The following ZSCAN16 variants were observed in gnomAD, a reference collection of about 807,000 sequenced individuals.
The protein encoded by ZSCAN16 is zinc finger and SCAN domain-containing protein 16.
Under a neutral mutation model 19.4 loss-of-function variants are expected in ZSCAN16, and 15 were observed. The observed-to-expected ratio is 0.77, with a 90% CI of 0.52 to 1.19. The LOEUF is 1.19. Among genes scored for constraint, ZSCAN16 ranks in the 50% most tolerant of loss-of-function variants. ZSCAN16 has a pLI of 0.00. For synonymous variants in ZSCAN16, 138 were observed against 146.5 expected (o/e 0.94, Z 0.42); for missense variants, 327 against 415.7 (o/e 0.79, Z 1.86).
chr6:28,126,684 C>T (rs1481550271), intron 2 of ZSCAN16, 99 bp from the exon 3 acceptor site: 2 of 948,802 alleles, frequency 2.1e-6, no homozygotes. Flanking sequence ...AGAATTTGTC[C>T]CCCCTTTCTA....
chr6:28,129,802 A>C lies in ZSCAN16; in HGVS notation c.899A>C (p.Asp300Ala). The change falls in exon 4 of 4, where the codon GAC becomes GCC. Residue 300 changes from aspartate (D) to alanine (A), a missense_variant. Transcript: ENST00000340487. The stretch of plus-strand genomic sequence containing the variant: ...TATAAATGTAAAGAATGTGGGAAAG[A>C]CTTCAGTGGGCGCACAGGTCTTATT... Reference protein sequence around the residue: ...KPYKCKECGKDFSGRTGLIQH... With the variant: ...KPYKCKECGKAFSGRTGLIQH... 1 of 1,614,148 alleles carries C rather than the reference A, an allele frequency of 6.2e-7. No individual in the cohort carries two copies. Among genetic ancestry groups the C allele is most frequent in the Non-Finnish European group, 8.5e-7 (1 of 1,180,026 alleles).
At position 28,125,429 on chromosome 6, in the gene ZSCAN16, C is replaced by G; in HGVS notation, c.-15C>G. The G allele has an allele frequency of 1.2e-6, 2 of 1,601,636 alleles. No individual in the cohort carries two copies. The highest frequency in any genetic ancestry group is 1.7e-6 in the Non-Finnish European group (2 of 1,174,376). Reference sequence around the variant, plus strand: ...CAATCCCAGATAGAGGATAAATCTCCTGGCAAAGCCCAGAATGACCACAGC... The same window carrying G: ...CAATCCCAGATAGAGGATAAATCTCGTGGCAAAGCCCAGAATGACCACAGC... On this transcript the variant is annotated 5_prime_UTR_variant, in exon 2 of 4. Transcript: ENST00000340487. The surrounding 1 kb of genome is among the most constrained non-coding windows in gnomAD (Gnocchi z 6.2).
At position 28,125,668 on chromosome 6, in the gene ZSCAN16, C is replaced by A; in HGVS notation, c.225C>A (p.His75Gln). Residue 75 changes from histidine (H) to glutamine (Q), a missense_variant, in exon 2 of 4, where the codon CAC (histidine) becomes CAA (glutamine). By Grantham distance (24) the His-to-Gln change is conservative. Transcript: ENST00000340487. This position sits in a 1 kb window ranked among gnomAD's most constrained non-coding sequence, Gnocchi z 6.2. Reference protein sequence around the residue: ...LCRQWLRPECHTKEQILDLLV... With the variant: ...LCRQWLRPECQTKEQILDLLV... ...GTCAGTGGCTGAGGCCAGAATGCCA[C>A]ACCAAGGAGCAGATTTTAGACCTGC... The A allele has an allele frequency of 3.1e-6, 5 of 1,614,260 alleles. No individual in the cohort carries two copies. Among genetic ancestry groups the A allele is most frequent in the Non-Finnish European group, 4.2e-6 (5 of 1,180,046 alleles).
rs1235515809 is a variant in ZSCAN16, at chr6:28,129,916, A to G, written c.1013A>G (p.His338Arg). The G allele has an allele frequency of 4.1e-5, 65 of 1,598,782 alleles. 1 individual carries two copies. The Admixed American group carries it at 1.2e-3, about 28-fold the overall frequency. ...PFRVSSALIR[H>R]QRIHTANKLY The stretch of plus-strand genomic sequence containing the variant: ...CGAGTAAGTTCAGCTCTTATTAGAC[A>G]TCAAAGAATTCATACCGCAAATAAA... Residue 338 changes from histidine to arginine, a missense_variant, in exon 4 of 4, where the codon CAT (histidine) becomes CGT (arginine). Transcript: ENST00000340487.
At position 28,129,984 on chromosome 6, in the gene ZSCAN16, C is replaced by G; in HGVS notation, c.*34C>G. 1 of 1,477,560 alleles carries G rather than the reference C, an allele frequency of 6.8e-7. No individual in the cohort carries two copies. The highest frequency in any genetic ancestry group is 9.1e-7 in the Non-Finnish European group (1 of 1,095,374). 91.5% of individuals were successfully genotyped at this position (1,477,560 alleles called of 1,614,324 possible). ...TAATATCAAAAGTTCTTTGGACACT[C>G]AGGCCTAACTAGTTATCAAAGAATC... On this transcript the variant is annotated 3_prime_UTR_variant, in exon 4 of 4. Coordinates refer to ENST00000340487, the MANE Select transcript of ZSCAN16 (RefSeq NM_025231.3).
chr6:28,129,867 T>TGTGATGA lies in ZSCAN16; in HGVS notation c.968_974dup (p.Cys325Ter). 1 of 1,614,146 alleles carries TGTGATGA rather than the reference T, an allele frequency of 6.2e-7. No individual in the cohort carries two copies. The highest frequency in any genetic ancestry group is 8.5e-7 in the Non-Finnish European group (1 of 1,180,006). On this transcript the variant is annotated frameshift_variant, in exon 4 of 4. Transcript: ENST00000340487. LOFTEE classifies it low-confidence loss of function (END_TRUNC). ...CCACACAGGTGAAAAACCCTATGAA[T>TGTGATGA]GTGATGAGTGTGGAAGGCCTTTCCG...
In ZSCAN16 at chr6:28,129,918, CA is replaced by C; in HGVS notation, c.1018del (p.Arg340GlufsTer25). 3 of 1,597,342 alleles carry C rather than the reference CA, an allele frequency of 1.9e-6. No individual in the cohort carries two copies. The East Asian group carries it at 6.7e-5, about 36-fold the overall frequency. ...FRVSSALIRH[Q>X]RIHTANKLY ...AGTAAGTTCAGCTCTTATTAGACAT[CA>C]AAGAATTCATACCGCAAATAAACTC... On this transcript the variant is annotated frameshift_variant, in exon 4 of 4. Coordinates refer to ENST00000340487, the MANE Select transcript of ZSCAN16 (RefSeq NM_025231.3). LOFTEE classifies it high-confidence loss of function.
In ZSCAN16 at chr6:28,125,822, G is replaced by T; in HGVS notation, c.379G>T (p.Gly127Ter). The T allele has an allele frequency of 6.2e-7, 1 of 1,600,830 alleles. No homozygotes were observed. The highest frequency in any genetic ancestry group is 1.7e-4 in the Middle Eastern group (1 of 5,814). Reference protein sequence around the residue: ...EDLERELDEPGKQVPGNSERR... With the variant: ...EDLERELDEP ...TCTGGAGAGAGAGCTTGATGAACCT[G>T]GAAAGCAGGTGTGAAGGGGCAGTCA... Residue 127 changes from glycine to a stop codon, truncating the protein, a stop_gained, in exon 2 of 4, where the codon GGA becomes TGA. Coordinates refer to ENST00000340487, the MANE Select transcript of ZSCAN16 (RefSeq NM_025231.3). LOFTEE classifies it high-confidence loss of function. The surrounding 1 kb of genome is among the most constrained non-coding windows in gnomAD (Gnocchi z 6.2).
rs747948762 is a variant in ZSCAN16, at chr6:28,125,868, G to A, written c.387+38G>A. 3.4e-6 allele frequency: 5 copies of A among 1,470,560 alleles called. No homozygotes were observed. The African/African-American group carries it at 4.2e-5, about 12-fold the overall frequency. 91.1% of individuals were successfully genotyped at this position (1,470,560 alleles called of 1,614,324 possible). A position where few individuals can be genotyped will look rare whatever the true frequency, so the allele number is the denominator to read the frequency against. On this transcript the variant is annotated intron_variant, in intron 2 of 3. Coordinates refer to ENST00000340487, the MANE Select transcript of ZSCAN16 (RefSeq NM_025231.3). This position sits in a 1 kb window ranked among gnomAD's most constrained non-coding sequence, Gnocchi z 6.2. ...AGTCATCTGGCTGTGAGTGATCAGG[G>A]GATATGGATGGAGCCAAAGCAAAAG... is the stretch of plus-strand genomic sequence containing the variant.
intron 2 of ZSCAN16, among the ~76,000 whole-genome samples, chr6:28,126,160 G>C (rs185088655): frequency 2.6e-5 from 4 of 152,100 alleles, no homozygotes; most frequent in African/African-American, 7.2e-5. Context: ...TTCCATATAG[G>C]TATTCAAGCG....
chr6:28,125,308 T>C lies in ZSCAN16; in HGVS notation c.-31-105T>C. Reference sequence around the variant, plus strand: ...TGGCTTGGCTTCATTATGATGTGTTTATGTTCACAGAAATTTTTGTAATTT... The same window carrying C: ...TGGCTTGGCTTCATTATGATGTGTTCATGTTCACAGAAATTTTTGTAATTT... On this transcript the variant is annotated intron_variant, in intron 1 of 3. Coordinates refer to ENST00000340487, the MANE Select transcript of ZSCAN16 (RefSeq NM_025231.3). The surrounding 1 kb of genome is among the most constrained non-coding windows in gnomAD (Gnocchi z 6.2). 2.9e-6 allele frequency: 4 copies of C among 1,372,374 alleles called. No homozygotes were observed. The allele number at this position is 1,372,374 out of a possible 1,614,324, so 85.0% of individuals were successfully genotyped here.
At position 28,125,388 on chromosome 6, in the gene ZSCAN16, G is replaced by C. The variant is rs1472954426; in HGVS notation, c.-31-25G>C. 1 of 1,553,848 alleles carries C rather than the reference G, an allele frequency of 6.4e-7. No homozygotes were observed. The highest frequency in any genetic ancestry group is 1.4e-5 in the African/African-American group (1 of 72,708). ...GAGTGTCTCTGAGGCAGGATTCTAA[G>C]AGATTCTCTTTGACTCAATCCCAGA... On this transcript the variant is annotated intron_variant, in intron 1 of 3. Coordinates refer to ENST00000340487, the MANE Select transcript of ZSCAN16 (RefSeq NM_025231.3). This position sits in a 1 kb window ranked among gnomAD's most constrained non-coding sequence, Gnocchi z 6.2.
Position 28,129,910 on chromosome 6 carries a change from T to G in ZSCAN16, c.1007T>G (p.Ile336Ser). The G allele has an allele frequency of 1.9e-6, 3 of 1,601,932 alleles. No individual in the cohort carries two copies. Among genetic ancestry groups the G allele is most frequent in the Non-Finnish European group, 2.6e-6 (3 of 1,175,528 alleles). Residue 336 changes from isoleucine (I) to serine (S), a missense_variant, in exon 4 of 4, where the codon ATT (isoleucine) becomes AGT (serine). Coordinates refer to ENST00000340487, the MANE Select transcript of ZSCAN16 (RefSeq NM_025231.3). ...CCTTTCCGAGTAAGTTCAGCTCTTATTAGACATCAAAGAATTCATACCGCA... is the reference window on the plus strand; with the variant it reads ...CCTTTCCGAGTAAGTTCAGCTCTTAGTAGACATCAAAGAATTCATACCGCA... ...GRPFRVSSALIRHQRIHTANK... is the reference protein window; with the variant it reads ...GRPFRVSSALSRHQRIHTANK...
rs193245359 is a variant in ZSCAN16, at chr6:28,129,838, G to A, written c.935G>A (p.Arg312Lys). Residue 312 changes from arginine (R) to lysine (K), a missense_variant, in exon 4 of 4, where the codon AGA becomes AAA. By Grantham distance (26) the Arg-to-Lys change is conservative. Transcript: ENST00000340487. Reference sequence around the variant, plus strand: ...CGCACAGGTCTTATTCAGCATCAGAGAATCCACACAGGTGAAAAACCCTAT... The same window carrying A: ...CGCACAGGTCTTATTCAGCATCAGAAAATCCACACAGGTGAAAAACCCTAT... ...SGRTGLIQHQ[R>K]IHTGEKPYEC... The A allele has an allele frequency of 5.0e-6, 8 of 1,614,186 alleles. No homozygotes were observed. The East Asian group carries it at 1.8e-4, about 36-fold the overall frequency.
intron 3 of ZSCAN16, among the ~76,000 whole-genome samples, chr6:28,128,256 A>G (rs922226366): frequency 6.6e-6 from 1 of 152,124 alleles, no homozygotes; most frequent in Non-Finnish European, 1.5e-5. Context: ...CTAGGATTAT[A>G]AGCATGAGCC....
intron 3 of ZSCAN16, among the ~76,000 whole-genome samples, chr6:28,128,611 C>T (rs1764968275): frequency 6.6e-6 from 1 of 152,074 alleles, no homozygotes; most frequent in Non-Finnish European, 1.5e-5. Flanking sequence ...GAATAACATT[C>T]TAAGAATAGC....
chr6:28,126,938 C>T lies in ZSCAN16; in HGVS notation c.526+17C>T, dbSNP rs1260879316. ...AAAGGAATGGTAAGCAGGAACAGTT[C>T]TGAGTGTATGAGGGTAGAGGTACTT... On this transcript the variant is annotated intron_variant, in intron 3 of 3. Transcript: ENST00000340487. The T allele has an allele frequency of 1.9e-6, 3 of 1,540,548 alleles. No homozygotes were observed. The South Asian group carries it at 3.7e-5, about 19-fold the overall frequency.
rs770463782 is a variant in ZSCAN16, at chr6:28,125,572, C to T, written c.129C>T (p.His43=). ...ACAGGAGGGAACTCTATAGACAACA[C>T]TTCAGGAAGCTCTGCTATCAGGATG... The part of the protein sequence containing the change: ...SPHRRELYRQ[H]FRKLCYQDAP... The change falls in exon 2 of 4, where the codon CAC becomes CAT. Residue 43 remains histidine, a synonymous_variant. Transcript: ENST00000340487. The surrounding 1 kb of genome is among the most constrained non-coding windows in gnomAD (Gnocchi z 6.2). 2.5e-6 allele frequency: 4 copies of T among 1,614,116 alleles called. No individual in the cohort carries two copies. The highest frequency in any genetic ancestry group is 3.4e-6 in the Non-Finnish European group (4 of 1,180,058).
chr6:28,128,341 A>G (rs1049609195), intron 3 of ZSCAN16, among the ~76,000 whole-genome samples: 3 of 152,148 alleles, frequency 2.0e-5, no homozygotes, highest in Non-Finnish European at 4.4e-5. Flanking sequence ...GCTATATGCC[A>G]GACACTATAC....
Sources: allele counts gnomAD v4.1 joint callset (sites outside exome capture counted in the v4.1 genomes callset), GRCh38; gene constraint gnomAD v4.1.1; non-coding constraint Gnocchi (gnomAD v3.1); transcripts MANE v1.5; gene names NCBI Gene and HGNC (gene_info 2026-07-23, HGNC 2026-07-21).